The following KCNIP4 variants were observed in gnomAD, a reference collection of about 807,000 sequenced individuals.
KCNIP4 encodes the protein potassium voltage-gated channel interacting protein 4.
In KCNIP4, 12 loss-of-function variants were observed where a neutral mutation model predicts 34.0. The ratio of observed to expected loss-of-function variants is 0.35; its 90% CI spans 0.23 to 0.57. KCNIP4 has a LOEUF of 0.57. KCNIP4 is among the 20% of genes least tolerant of loss of function. KCNIP4 has a pLI of 0.83. For missense variants in KCNIP4, 238 were observed against 311.7 expected (o/e 0.76, Z 1.78); for synonymous variants, 124 against 102.2 (o/e 1.21, Z -1.29).
At chr4:21,051,545 T>C (rs114557349) in intron 1 of KCNIP4, among the ~76,000 whole-genome samples, 1,827 of 152,284 alleles carry the variant, frequency 0.012, 40 homozygotes, top group African/African-American at 0.042. Context: ...TGTGGGGGTA[T>C]AGAGGTTATT....
intron 1 of KCNIP4, among the ~76,000 whole-genome samples, chr4:20,889,183 C>A (rs1725650247): frequency 2.0e-5 from 3 of 152,034 alleles, no homozygotes; most frequent in African/African-American, 7.2e-5. Flanking sequence ...TATTTATAGT[C>A]ATGAACTCCT....
At chr4:21,375,292 C>G (rs1010948220) in intron 1 of KCNIP4, among the ~76,000 whole-genome samples, 2 of 152,090 alleles carry the variant, frequency 1.3e-5, no homozygotes, top group African/African-American at 4.8e-5. Flanking sequence ...TCTTCTGAAA[C>G]TGAGTCCCTC....
chr4:21,492,755 TATA>T (rs1732517216), intron 1 of KCNIP4, among the ~76,000 whole-genome samples: 1 of 152,198 alleles, frequency 6.6e-6, no homozygotes, highest in Non-Finnish European at 1.5e-5. Context: ...TAAAGCCAAT[TATA>T]TTTTAGGAAA....
intron 1 of KCNIP4, among the ~76,000 whole-genome samples, chr4:21,862,742 G>A (rs1022232826): frequency 2.6e-5 from 4 of 152,182 alleles, no homozygotes; most frequent in African/African-American, 9.6e-5. Flanking sequence ...GGGAGGCTGA[G>A]GTGGGCAGAT....
At chr4:20,758,692 G>C in intron 4 of KCNIP4, 129 bp downstream of exon 4, 1 of 709,902 alleles carries the variant, frequency 1.4e-6, no homozygotes, top group Non-Finnish European at 2.4e-6. Flanking sequence ...ATATACACTT[G>C]CATGCTGTGC....
chr4:21,805,406 G>A (rs1486396972), intron 1 of KCNIP4, among the ~76,000 whole-genome samples: 4 of 152,030 alleles, frequency 2.6e-5, no homozygotes, highest in African/African-American at 7.2e-5. Flanking sequence ...AGAGCACCAC[G>A]AGATCTGATG....
At chr4:21,616,156 G>T (rs910404022) in intron 1 of KCNIP4, among the ~76,000 whole-genome samples, 1 of 152,044 alleles carries the variant, frequency 6.6e-6, no homozygotes, top group Admixed American at 6.5e-5. Context: ...TCTTCATCAT[G>T]CTCCAGCCTT....
At chr4:20,836,330 AC>A (rs1719037812) in intron 3 of KCNIP4, among the ~76,000 whole-genome samples, 2 of 152,152 alleles carry the variant, frequency 1.3e-5, no homozygotes, top group African/African-American at 2.4e-5. Context: ...ACCAGGAATA[AC>A]TTTTTCCTTG....
At chr4:21,417,346 A>G (rs950148393) in intron 1 of KCNIP4, among the ~76,000 whole-genome samples, 7 of 151,908 alleles carry the variant, frequency 4.6e-5, no homozygotes, top group Admixed American at 4.6e-4. Context: ...CCAGGGATGC[A>G]CCAGATAAGG....
In KCNIP4 at chr4:21,765,695, A is replaced by T. The variant is rs548978531; in HGVS notation, c.61+182876T>A. On this transcript the variant is annotated intron_variant, in intron 1 of 8. Coordinates refer to ENST00000382152, the MANE Select transcript of KCNIP4 (RefSeq NM_025221.6). ...TGCTCAGACTGGTCTTGACCTCCTG[A>T]CCTCATGTGATCCTCCCATCTCAGC... is the stretch of plus-strand genomic sequence containing the variant. 3.3e-5 allele frequency among the ~76,000 whole-genome samples: 5 copies of T among 149,708 alleles called. No individual in the cohort carries two copies. In the South Asian group the frequency reaches 8.6e-4, roughly 26 times the overall value.
chr4:21,909,005 ATG>A (rs1728153655), intron 1 of KCNIP4, among the ~76,000 whole-genome samples: 2 of 152,094 alleles, frequency 1.3e-5, no homozygotes, highest in Admixed American at 1.3e-4. Flanking sequence ...CATTAGATTA[ATG>A]TCCATCTTAT....
intron 1 of KCNIP4, among the ~76,000 whole-genome samples, chr4:21,121,549 A>G (rs535348184): frequency 3.9e-5 from 6 of 152,204 alleles, no homozygotes; most frequent in Non-Finnish European, 7.3e-5. Context: ...AGCATCTTGT[A>G]ATGAAGTCAG....
intron 1 of KCNIP4, among the ~76,000 whole-genome samples, chr4:21,201,465 A>T (rs1013094450): frequency 6.6e-6 from 1 of 152,196 alleles, no homozygotes; most frequent in Non-Finnish European, 1.5e-5. Context: ...CCATTGCAGG[A>T]TACTATGAAT....
chr4:21,113,455 TAAAAAAAAAAAAAA>T (rs56676152), intron 1 of KCNIP4, among the ~76,000 whole-genome samples: 1 of 62,382 alleles, frequency 1.6e-5, no homozygotes, highest in Non-Finnish European at 2.8e-5. Context: ...TCTATAAGTT[TAAAAAAAAAAAAAA>T]AAAAAAAAAA....
At chr4:20,964,964 GT>G (rs1257211241) in intron 1 of KCNIP4, among the ~76,000 whole-genome samples, 3 of 152,122 alleles carry the variant, frequency 2.0e-5, no homozygotes, top group African/African-American at 7.2e-5. Context: ...AGGAAGAGGG[GT>G]AAATCTCTTA....
intron 1 of KCNIP4, among the ~76,000 whole-genome samples, chr4:21,485,847 G>T (rs938182903): frequency 6.6e-6 from 1 of 152,094 alleles, no homozygotes; most frequent in African/African-American, 2.4e-5. Flanking sequence ...TCTAACGAAC[G>T]ACCGTCATAA....
chr4:21,624,994 T>A (rs1174126974), intron 1 of KCNIP4, among the ~76,000 whole-genome samples: 5 of 152,288 alleles, frequency 3.3e-5, no homozygotes, highest in African/African-American at 1.2e-4. Context: ...ATATTAGACA[T>A]GGCTGCATCT....
intron 1 of KCNIP4, among the ~76,000 whole-genome samples, chr4:21,246,218 A>G (rs940504042): frequency 1.3e-5 from 2 of 152,134 alleles, no homozygotes; most frequent in African/African-American, 4.8e-5. Context: ...CTTTCCCTAC[A>G]CACAGGTGGC....
At position 21,801,668 on chromosome 4, in the gene KCNIP4, G is replaced by A. The variant is rs901926042; in HGVS notation, c.61+146903C>T. Among the ~76,000 whole-genome samples, 5 of 152,064 alleles carry A rather than the reference G, an allele frequency of 3.3e-5. No individual in the cohort carries two copies. In the South Asian group the frequency reaches 6.2e-4, roughly 19 times the overall value. ...CTGTCACCCCGGCTGGAGTGCAGTG[G>A]CACAATCTCAGCTCACTGCAACCTC... On this transcript the variant is annotated intron_variant, in intron 1 of 8. Coordinates refer to ENST00000382152, the MANE Select transcript of KCNIP4 (RefSeq NM_025221.6).
Sources: allele counts gnomAD v4.1 joint callset (sites outside exome capture counted in the v4.1 genomes callset), GRCh38; gene constraint gnomAD v4.1.1; transcripts MANE v1.5; gene names NCBI Gene and HGNC (gene_info 2026-07-23, HGNC 2026-07-21).